JMY: variants seen among roughly 807,000 people sequenced by gnomAD.
JMY encodes junction mediating and regulatory protein, p53 cofactor, also known as junction-mediating and -regulatory protein.
Under a neutral mutation model 103.3 loss-of-function variants are expected in JMY, and 46 were observed. That is an observed-to-expected ratio of 0.45 (90% CI 0.35 to 0.57). The LOEUF (loss-of-function observed/expected upper bound fraction) is 0.57, where lower values mean the gene tolerates loss of function less well. JMY is among the 20% of genes least tolerant of loss of function. The probability of loss-of-function intolerance (pLI) is 0.00; values close to 1 mark genes in which losing one functional copy is unlikely to be tolerated. For synonymous variants in JMY, 526 were observed against 489.3 expected (o/e 1.07, Z -0.99); for missense variants, 1,238 against 1,255.2 (o/e 0.99, Z 0.21).
chr5:79,299,428 G>C (rs1746665652), intron 4 of JMY, among the ~76,000 whole-genome samples: 2 of 151,916 alleles, frequency 1.3e-5, no homozygotes, highest in African/African-American at 4.8e-5. Flanking sequence ...CTTTCCCCTT[G>C]GTGGTTTCCT....
chr5:79,254,308 A>G lies in JMY; in HGVS notation c.1032+16626A>G, dbSNP rs1745176033. The stretch of plus-strand genomic sequence containing the variant: ...TTAATGTCCTTTTCTTTCTGATTGA[A>G]GTACTCCCTTTAGCATTTCTTGTAG... On this transcript the variant is annotated intron_variant, in intron 1 of 10. Transcript: ENST00000396137. 2.0e-5 allele frequency among the ~76,000 whole-genome samples: 3 copies of G among 152,114 alleles called. No individual in the cohort carries two copies. In the South Asian group the frequency reaches 6.2e-4, roughly 32 times the overall value.
chr5:79,316,765 G>C (rs1056083081), intron 10 of JMY, among the ~76,000 whole-genome samples: 1 of 151,858 alleles, frequency 6.6e-6, no homozygotes, highest in African/African-American at 2.4e-5. Flanking sequence ...AATTAGCCGG[G>C]CGTGGTGGCG....
In JMY at chr5:79,270,482, A is replaced by AATATTTAAAATAT. The variant is rs1561297721; in HGVS notation, c.1033-7421_1033-7420insAAATATATATTTA. 1.7e-4 allele frequency among the ~76,000 whole-genome samples: 17 copies of AATATTTAAAATAT among 102,080 alleles called. 1 individual carries two copies. The highest frequency in any genetic ancestry group is 5.0e-4 in the African/African-American group (13 of 25,948). The allele number at this position is 102,080 out of a possible 152,430, so 67.0% of individuals were successfully genotyped here. The stretch of plus-strand genomic sequence containing the variant: ...AATATTTAAAATGTATATTTACATA[A>AATATTTAAAATAT]ATATTTACATAAAATATATATTTAC... On this transcript the variant is annotated intron_variant, in intron 1 of 10. Coordinates refer to ENST00000396137, the MANE Select transcript of JMY (RefSeq NM_152405.5).
chr5:79,243,325 C>T (rs887536753), intron 1 of JMY, among the ~76,000 whole-genome samples: 2 of 152,152 alleles, frequency 1.3e-5, no homozygotes, highest in Non-Finnish European at 2.9e-5. Flanking sequence ...CAACTATATA[C>T]ATTAGAGAAA....
intron 2 of JMY, among the ~76,000 whole-genome samples, chr5:79,287,081 T>G (rs972547622): frequency 6.6e-6 from 1 of 152,056 alleles, no homozygotes; most frequent in Non-Finnish European, 1.5e-5. Flanking sequence ...CTCAGAGGAT[T>G]CAGTACTGAG....
intron 1 of JMY, among the ~76,000 whole-genome samples, chr5:79,275,722 G>C (rs1005972825): frequency 6.6e-6 from 1 of 152,138 alleles, no homozygotes; most frequent in African/African-American, 2.4e-5. Flanking sequence ...TACTAGAGAA[G>C]TCAAAATTCT....
chr5:79,281,932 G>A (rs1038735693), intron 2 of JMY, among the ~76,000 whole-genome samples: 13 of 152,156 alleles, frequency 8.5e-5, no homozygotes, highest in South Asian at 2.1e-4. Flanking sequence ...TAGGCCAGGT[G>A]TAGTGGCTCA....
chr5:79,299,406 A>G (rs1443556189), intron 4 of JMY, among the ~76,000 whole-genome samples: 2 of 152,156 alleles, frequency 1.3e-5, no homozygotes, highest in African/African-American at 4.8e-5. Context: ...GGAACCAGTT[A>G]TCTAAAGTAC....
At chr5:79,286,679 T>C (rs934889291) in intron 2 of JMY, among the ~76,000 whole-genome samples, 5 of 152,158 alleles carry the variant, frequency 3.3e-5, no homozygotes, top group Non-Finnish European at 7.3e-5. Flanking sequence ...TTTACACTTT[T>C]CTTTCGATAA....
intron 1 of JMY, among the ~76,000 whole-genome samples, chr5:79,268,747 C>G (rs1268387357): frequency 6.6e-6 from 1 of 152,188 alleles, no homozygotes; most frequent in Non-Finnish European, 1.5e-5. Flanking sequence ...CTCGGCTTCC[C>G]AAAGTGCTGG....
Position 79,322,522 on chromosome 5 carries a change from GTTTTTA to G in JMY, c.*928_*933del, listed in dbSNP as rs1407350334. 1 of 152,144 alleles carries G rather than the reference GTTTTTA, an allele frequency of 6.6e-6. No individual in the cohort carries two copies. Among genetic ancestry groups the G allele is most frequent in the East Asian group, 1.9e-4 (1 of 5,192 alleles). 9.4% of individuals were successfully genotyped at this position (152,144 alleles called of 1,614,324 possible). A position where few individuals can be genotyped will look rare whatever the true frequency, so the allele number is the denominator to read the frequency against. On this transcript the variant is annotated 3_prime_UTR_variant, in exon 11 of 11. Transcript: ENST00000396137. Reference sequence around the variant, plus strand: ...CTCTTTTCACAAATTACCATTTTAAGTTTTTATTTTTATGCTCCACAGTGAAAAGCA... The same window carrying G: ...CTCTTTTCACAAATTACCATTTTAAGTTTTTATGCTCCACAGTGAAAAGCA...
intron 2 of JMY, among the ~76,000 whole-genome samples, chr5:79,283,735 C>G (rs1746188639): frequency 6.6e-6 from 1 of 152,124 alleles, no homozygotes; most frequent in Admixed American, 6.5e-5. Context: ...AGGAATGGAC[C>G]TCAGCAATCT....
intron 1 of JMY, among the ~76,000 whole-genome samples, chr5:79,267,211 G>T (rs894693138): frequency 6.6e-6 from 1 of 152,108 alleles, no homozygotes; most frequent in African/African-American, 2.4e-5. Context: ...TTAATTTTTT[G>T]TACAGTTCTG....
intron 1 of JMY, among the ~76,000 whole-genome samples, chr5:79,258,877 GT>G (rs1009720248): frequency 1.2e-4 from 19 of 152,288 alleles, no homozygotes; most frequent in African/African-American, 4.1e-4. Context: ...TTTCAGCCCT[GT>G]TTGTGTTACA....
intron 2 of JMY, among the ~76,000 whole-genome samples, chr5:79,289,632 C>T (rs987628459): frequency 5.9e-5 from 9 of 152,292 alleles, no homozygotes; most frequent in Non-Finnish European, 1.3e-4. Context: ...ATCTGAGCCA[C>T]CGTGCCTGGC....
At chr5:79,297,946 G>A (rs969761036) in intron 4 of JMY, among the ~76,000 whole-genome samples, 6 of 152,148 alleles carry the variant, frequency 3.9e-5, no homozygotes, top group African/African-American at 2.4e-5. Flanking sequence ...GTAGCACTGC[G>A]CTTCTCAAGT....
intron 1 of JMY, among the ~76,000 whole-genome samples, chr5:79,275,446 C>T (rs550660730): frequency 2.2e-4 from 34 of 152,316 alleles, no homozygotes; most frequent in Admixed American, 7.8e-4. Flanking sequence ...CAGGCGTGAG[C>T]CACCGTGCCT....
chr5:79,270,398 A>G (rs888461181), intron 1 of JMY, among the ~76,000 whole-genome samples: 1 of 119,960 alleles, frequency 8.3e-6, no homozygotes, highest in Non-Finnish European at 1.7e-5. Context: ...TAAAATATAT[A>G]TTTACATAAA....
intron 1 of JMY, among the ~76,000 whole-genome samples, chr5:79,260,444 G>C (rs559561109): frequency 5.0e-4 from 76 of 152,310 alleles, no homozygotes; most frequent in Admixed American, 2.1e-3. Flanking sequence ...TGAGTGGCTT[G>C]ATCTTGCCTC....
Sources: gnomAD v4.1 joint callset for allele counts (sites outside exome capture counted in the v4.1 genomes callset) on GRCh38, gnomAD v4.1.1 for gene constraint, MANE v1.5 for transcripts, NCBI Gene and HGNC (gene_info 2026-07-23, HGNC 2026-07-21) for gene names.